The following SNX27 variants were observed in gnomAD, a reference collection of about 807,000 sequenced individuals.
SNX27 encodes the protein sorting nexin 27.
In SNX27, 22 loss-of-function variants were observed where a neutral mutation model predicts 71.6. The ratio of observed to expected loss-of-function variants is 0.31; its 90% CI spans 0.22 to 0.44. SNX27 has a LOEUF of 0.44. SNX27 is among the 20% of genes least tolerant of loss of function. The pLI is 1.00. For synonymous variants in SNX27, 269 were observed against 277.2 expected (o/e 0.97, Z 0.29); for missense variants, 531 against 698.6 (o/e 0.76, Z 2.70).
At chr1:151,622,748 G>A (rs1214164670) in intron 1 of SNX27, among the ~76,000 whole-genome samples, 1 of 152,068 alleles carries the variant, frequency 6.6e-6, no homozygotes, top group Non-Finnish European at 1.5e-5. Context: ...GGAGGAAAAT[G>A]AGTTACTTTA....
chr1:151,634,213 A>G (rs1668372272), intron 1 of SNX27, among the ~76,000 whole-genome samples: 1 of 152,158 alleles, frequency 6.6e-6, no homozygotes, highest in South Asian at 2.1e-4. Context: ...ATTGAAATGT[A>G]TGTCTTAGCA....
intron 7 of SNX27, among the ~76,000 whole-genome samples, chr1:151,681,735 T>C (rs950025933): frequency 6.6e-6 from 1 of 151,820 alleles, no homozygotes; most frequent in African/African-American, 2.4e-5. Context: ...TTATTGCTTA[T>C]TTTAGCTCCC....
intron 1 of SNX27, among the ~76,000 whole-genome samples, chr1:151,623,391 TGGCCTCC>T (rs1160168826): frequency 1.3e-5 from 2 of 151,952 alleles, no homozygotes; most frequent in Non-Finnish European, 2.9e-5. Flanking sequence ...CCGCCCACCT[TGGCCTCC>T]CAAAGTGCTG....
Position 151,667,715 on chromosome 1 carries a change from T to G in SNX27, c.986-757T>G, listed in dbSNP as rs1243871934. ...AGTGGCGGGCGCCTGTAGTCCCAGC[T>G]ACTTGGGAGGCTGAGGCAGGAGAAT... On this transcript the variant is annotated intron_variant, in intron 6 of 11. Transcript: ENST00000458013. Among the ~76,000 whole-genome samples, 26 of 149,344 alleles carry G rather than the reference T, an allele frequency of 1.7e-4. 2 individuals are homozygous for G. The highest frequency in any genetic ancestry group is 1.7e-3 in the Admixed American group (26 of 14,940).
At chr1:151,688,362 G>T (rs1035048640) in intron 8 of SNX27, among the ~76,000 whole-genome samples, 7 of 152,100 alleles carry the variant, frequency 4.6e-5, no homozygotes, top group Admixed American at 6.6e-5. Flanking sequence ...AGCGAGGCGC[G>T]GTGGCTTACG....
chr1:151,641,934 G>A (rs575783645), intron 2 of SNX27, among the ~76,000 whole-genome samples: 1 of 122,594 alleles, frequency 8.2e-6, no homozygotes, highest in Non-Finnish European at 1.6e-5. Context: ...ATATATATGA[G>A]ATATATATAT....
chr1:151,651,257 G>A (rs1331668657), intron 2 of SNX27, among the ~76,000 whole-genome samples: 1 of 150,830 alleles, frequency 6.6e-6, no homozygotes, highest in Non-Finnish European at 1.5e-5. Flanking sequence ...CCTCCCAGAC[G>A]GGGCGGCTGG....
chr1:151,688,391 T>C lies in SNX27; in HGVS notation c.1240-4044T>C, dbSNP rs186666123. Among the ~76,000 whole-genome samples, 486 of 152,278 alleles carry C rather than the reference T, an allele frequency of 3.2e-3. 1 individual carries two copies. The highest frequency in any genetic ancestry group is 0.011 in the African/African-American group (463 of 41,564). On this transcript the variant is annotated intron_variant, in intron 8 of 11. Transcript: ENST00000458013. The stretch of plus-strand genomic sequence containing the variant: ...GCTTACGCCTGTAATCCCAGCACTT[T>C]GGGAGGCCAAGGCAGGCAGATCACG...
intron 7 of SNX27, chr1:151,669,301 T>G (rs1156980522): frequency 1.3e-5 from 2 of 152,184 alleles, no homozygotes; most frequent in South Asian, 4.1e-4. Flanking sequence ...GTTTACAATA[T>G]TATGACTGTA....
intron 3 of SNX27, chr1:151,659,516 G>A (rs1374832921): frequency 2.0e-5 from 3 of 152,312 alleles, no homozygotes; most frequent in African/African-American, 7.2e-5. Flanking sequence ...CAAAGTGCTG[G>A]GATTACAGGC....
At chr1:151,656,094 G>A (rs141189267) in intron 2 of SNX27, among the ~76,000 whole-genome samples, 2 of 151,958 alleles carry the variant, frequency 1.3e-5, no homozygotes, top group Admixed American at 1.3e-4. Flanking sequence ...ATGGTGGTGG[G>A]TGCCTGTAGT....
chr1:151,669,224 AC>A (rs1670350924), intron 7 of SNX27: 1 of 152,132 alleles, frequency 6.6e-6, no homozygotes, highest in South Asian at 2.1e-4. Context: ...ATATACCCAT[AC>A]CTTTTTCATC....
At chr1:151,637,220 G>A (rs183755127) in intron 1 of SNX27, among the ~76,000 whole-genome samples, 4 of 147,148 alleles carry the variant, frequency 2.7e-5, no homozygotes, top group Admixed American at 6.9e-5. Context: ...GCTGGAGTGC[G>A]GAGTGCAGAG....
chr1:151,636,285 T>C (rs1668452289), intron 1 of SNX27, among the ~76,000 whole-genome samples: 1 of 152,228 alleles, frequency 6.6e-6, no homozygotes, highest in Non-Finnish European at 1.5e-5. Context: ...AATTTTGTTT[T>C]GGTATTTAAG....
intron 2 of SNX27, among the ~76,000 whole-genome samples, chr1:151,652,277 C>G (rs1040779268): frequency 6.7e-6 from 1 of 148,852 alleles, no homozygotes; most frequent in African/African-American, 2.5e-5. Context: ...GAAACTGAAT[C>G]TTAATCTAAT....
chr1:151,637,402 T>A (rs1213211562), intron 1 of SNX27, among the ~76,000 whole-genome samples: 2 of 152,084 alleles, frequency 1.3e-5, no homozygotes, highest in Non-Finnish European at 2.9e-5. Context: ...AAGGTCTTGA[T>A]CTCCTGACCT....
intron 1 of SNX27, among the ~76,000 whole-genome samples, chr1:151,618,027 T>G (rs1286163819): frequency 1.1e-4 from 16 of 151,570 alleles, no homozygotes; most frequent in Admixed American, 1.1e-3. Flanking sequence ...GGCTAATTTT[T>G]TTGTACTTTT....
At chr1:151,621,230 A>G (rs1011649322) in intron 1 of SNX27, among the ~76,000 whole-genome samples, 3 of 152,200 alleles carry the variant, frequency 2.0e-5, no homozygotes, top group African/African-American at 7.2e-5. Flanking sequence ...GTGGTATGGT[A>G]TTAGTCAAAT....
intron 1 of SNX27, among the ~76,000 whole-genome samples, chr1:151,631,298 A>G (rs1558040144): frequency 6.6e-6 from 1 of 152,214 alleles, no homozygotes; most frequent in Non-Finnish European, 1.5e-5. Flanking sequence ...CTTCAACTTC[A>G]GAGATCTCCT....
Sources: gnomAD v4.1 joint callset for allele counts (sites outside exome capture counted in the v4.1 genomes callset) on GRCh38, gnomAD v4.1.1 for gene constraint, MANE v1.5 for transcripts, NCBI Gene and HGNC (gene_info 2026-07-23, HGNC 2026-07-21) for gene names.